ZAP70: variants seen among roughly 807,000 people sequenced by gnomAD.
The protein encoded by ZAP70 is zeta chain of T cell receptor associated protein kinase 70.
In ZAP70, 27 loss-of-function variants were observed where a neutral mutation model predicts 65.8. The ratio of observed to expected loss-of-function variants is 0.41; its 90% CI spans 0.30 to 0.57. ZAP70 has a LOEUF of 0.57. Among genes scored for constraint, ZAP70 ranks in the 20% least tolerant of loss-of-function variants. ZAP70 has a pLI of 0.28. For synonymous variants in ZAP70, 363 were observed against 360.8 expected, an observed-to-expected ratio of 1.01 and a Z score of -0.07; for missense variants, 696 against 870.5, an observed-to-expected ratio of 0.80 and a Z score of 2.52.
At chr2:97,747,902 G>GT in the ZAP70 span, among the ~76,000 whole-genome samples, 2 of 141,898 alleles carry the variant, frequency 1.4e-5, no homozygotes, top group Non-Finnish European at 3.0e-5. Context: ...TTTGTAGTGT[G>GT]GAAGGCTGTG....
chr2:97,725,571 A>C (rs939366903), intron 4 of ZAP70, among the ~76,000 whole-genome samples: 16 of 152,206 alleles, frequency 1.1e-4, no homozygotes, highest in Non-Finnish European at 2.1e-4. Flanking sequence ...ACAAATATTT[A>C]CTGAATACCT....
chr2:97,743,773 G>A (rs1678185224), downstream of ZAP70, among the ~76,000 whole-genome samples: 1 of 152,146 alleles, frequency 6.6e-6, no homozygotes, highest in African/African-American at 2.4e-5. Context: ...GGAGTTTGTG[G>A]AAATTTCATG....
At chr2:97,755,472 C>A in the ZAP70 span, among the ~76,000 whole-genome samples, 9 of 152,294 alleles carry the variant, frequency 5.9e-5, no homozygotes, top group East Asian at 1.5e-3. Context: ...TGCTTTCCAT[C>A]CAGCCTGGCT....
chr2:97,755,833 A>C, the ZAP70 span, among the ~76,000 whole-genome samples: 4 of 152,228 alleles, frequency 2.6e-5, no homozygotes, highest in African/African-American at 7.2e-5. Flanking sequence ...CAGTGTTAGA[A>C]CATGCAGTGG....
Position 97,733,285 on chromosome 2 carries a change from C to T in ZAP70, c.791-12C>T, listed in dbSNP as rs201414967. The T allele has an allele frequency of 7.5e-6, 12 of 1,607,432 alleles. No homozygotes were observed. In the East Asian group the frequency reaches 8.9e-5, roughly 12 times the overall value. ...TGGCCCCCAGCCCTCACTGTCCCTT[C>T]TGCTCCCCCAGGGGCTGCTGCTCCC... On this transcript the variant is annotated splice_polypyrimidine_tract_variant and intron_variant, in intron 6 of 13. Coordinates refer to ENST00000264972, the MANE Select transcript of ZAP70 (RefSeq NM_001079.4).
chr2:97,754,458 AG>A, the ZAP70 span, among the ~76,000 whole-genome samples: 1 of 151,852 alleles, frequency 6.6e-6, no homozygotes, highest in African/African-American at 2.4e-5. Flanking sequence ...GCTGGAGTGC[AG>A]TGGTATGATC....
chr2:97,739,774 T>G lies in ZAP70; in HGVS notation c.*276T>G. 4.0e-6 allele frequency: 2 copies of G among 499,060 alleles called. No homozygotes were observed. The highest frequency in any genetic ancestry group is 7.2e-6 in the Non-Finnish European group (2 of 278,354). The allele number at this position is 499,060 out of a possible 1,614,324, so 30.9% of individuals were successfully genotyped here. ...GAGCTGAGGGCATTGCTTACACGGA[T>G]GCCTTCCCCTGGGCCCTGACATTGG... On this transcript the variant is annotated 3_prime_UTR_variant, in exon 14 of 14. Transcript: ENST00000264972.
Position 97,737,500 on chromosome 2 carries a change from C to T in ZAP70, c.1317C>T (p.Ala439=), listed in dbSNP as rs771007414. The T allele has an allele frequency of 9.3e-6, 15 of 1,613,956 alleles. No homozygotes were observed. The highest frequency in any genetic ancestry group is 4.5e-5 in the East Asian group (2 of 44,886). ...AGGAGATCCCTGTGAGCAATGTGGCCGAGCTGCTGCACCAGGTGTCCATGG... is the reference window on the plus strand; with the variant it reads ...AGGAGATCCCTGTGAGCAATGTGGCTGAGCTGCTGCACCAGGTGTCCATGG... ...KREEIPVSNV[A]ELLHQVSMGM... is the part of the protein sequence containing the mutation. Residue 439 remains alanine, a synonymous_variant, in exon 11 of 14, where the codon GCC becomes GCT. Coordinates refer to ENST00000264972, the MANE Select transcript of ZAP70 (RefSeq NM_001079.4). This position sits in a 1 kb window ranked among gnomAD's most constrained non-coding sequence, Gnocchi z 5.0.
chr2:97,734,929 C>A, intron 9 of ZAP70: 1 of 721,794 alleles, frequency 1.4e-6, no homozygotes, highest in Non-Finnish European at 2.3e-6. Context: ...GGCTGTGGAG[C>A]TGAAGTTCCC....
chr2:97,749,977 T>C, the ZAP70 span, among the ~76,000 whole-genome samples: 2 of 152,258 alleles, frequency 1.3e-5, no homozygotes, highest in African/African-American at 4.8e-5. Flanking sequence ...CACTGGGAAA[T>C]GTCTTTGGAA....
chr2:97,753,864 C>CT, the ZAP70 span, among the ~76,000 whole-genome samples: 1 of 152,092 alleles, frequency 6.6e-6, no homozygotes, highest in Non-Finnish European at 1.5e-5. Context: ...TGGTCCGTGT[C>CT]TTTTGTCCCA....
At chr2:97,728,518 C>T (rs1225923807) in intron 4 of ZAP70, among the ~76,000 whole-genome samples, 2 of 152,210 alleles carry the variant, frequency 1.3e-5, no homozygotes, top group Non-Finnish European at 1.5e-5. Flanking sequence ...ACTGCTTTCT[C>T]AGGGCTTGGG....
chr2:97,734,461 C>A, intron 8 of ZAP70, 59 bp from the exon 9 acceptor site: 3 of 1,542,602 alleles, frequency 1.9e-6, no homozygotes, highest in Non-Finnish European at 2.6e-6. Flanking sequence ...GGGGCTGAGG[C>A]TGCCTTGCTC....
In ZAP70 at chr2:97,734,722, C is replaced by T. The variant is rs201318076; in HGVS notation, c.1082+10C>T. 1.2e-6 allele frequency: 2 copies of T among 1,612,950 alleles called. No homozygotes were observed. Among genetic ancestry groups the T allele is most frequent in the African/African-American group, 2.7e-5 (2 of 74,948 alleles). ...TGTACCGCATGCGCAAGTATGGCCG[C>T]CCCTGCCGTGGTGGGAGCACCGCCG... On this transcript the variant is annotated intron_variant, in intron 9 of 13. Coordinates refer to ENST00000264972, the MANE Select transcript of ZAP70 (RefSeq NM_001079.4).
At chr2:97,729,922 G>A (rs1677534715) in intron 4 of ZAP70, among the ~76,000 whole-genome samples, 1 of 151,932 alleles carries the variant, frequency 6.6e-6, no homozygotes, top group Non-Finnish European at 1.5e-5. Context: ...GAAATGTAGT[G>A]GCTTAAAACA....
rs111487075 is a variant in ZAP70, at chr2:97,733,447, C to T, written c.838-97C>T. 27 of 1,604,422 alleles carry T rather than the reference C, an allele frequency of 1.7e-5. No homozygotes were observed. The East Asian group carries it at 3.6e-4, about 21-fold the overall frequency. ...GGGTGCCTGTGGAGCGGAAGAAGCTCTCTCTCCACTGTCTCTGGGAGTCCT... is the reference window on the plus strand; with the variant it reads ...GGGTGCCTGTGGAGCGGAAGAAGCTTTCTCTCCACTGTCTCTGGGAGTCCT... On this transcript the variant is annotated intron_variant, in intron 7 of 13. Coordinates refer to ENST00000264972, the MANE Select transcript of ZAP70 (RefSeq NM_001079.4).
intron 4 of ZAP70, among the ~76,000 whole-genome samples, chr2:97,728,577 C>T (rs1559322800): frequency 1.3e-5 from 2 of 152,174 alleles, no homozygotes; most frequent in Non-Finnish European, 1.5e-5. Context: ...AAGACCAGGA[C>T]CACGCCTACC....
chr2:97,746,054 A>G, the ZAP70 span, among the ~76,000 whole-genome samples: 1 of 152,246 alleles, frequency 6.6e-6, no homozygotes, highest in South Asian at 2.1e-4. Context: ...TATGCTAGTG[A>G]AAGAAGCCAG....
chr2:97,734,997 C>T, intron 9 of ZAP70: 1 of 647,578 alleles, frequency 1.5e-6, no homozygotes, highest in Non-Finnish European at 2.6e-6. Flanking sequence ...CCCTGACAGG[C>T]TGCCCCTGGG....
Sources: allele counts gnomAD v4.1 joint callset (sites outside exome capture counted in the v4.1 genomes callset), GRCh38; gene constraint gnomAD v4.1.1; non-coding constraint Gnocchi (gnomAD v3.1); transcripts MANE v1.5; gene names NCBI Gene and HGNC (gene_info 2026-07-23, HGNC 2026-07-21).